Variants in CTBP2 observed in about 807,000 individuals in gnomAD.
CTBP2 encodes the protein C-terminal-binding protein 2.
A neutral mutation model predicts 80.3 loss-of-function variants in CTBP2; 30 were observed. The observed-to-expected ratio is 0.37, with a 90% CI of 0.28 to 0.51. The LOEUF is 0.51. Among genes scored for constraint, CTBP2 ranks in the 20% least tolerant of loss-of-function variants. The pLI, the probability that CTBP2 is intolerant of heterozygous loss-of-function variation, is 0.93. For synonymous variants in CTBP2, 594 were observed against 587.4 expected (o/e 1.01, Z -0.16); for missense variants, 1,212 against 1,375.3 (o/e 0.88, Z 1.88).
At chr10:125,083,230 C>T (rs543472583) in intron 2 of CTBP2, among the ~76,000 whole-genome samples, 40 of 152,206 alleles carry the variant, frequency 2.6e-4, no homozygotes, top group Non-Finnish European at 5.0e-4. Flanking sequence ...AGGGCCAGCA[C>T]GCATTCTCAA....
Position 124,987,164 on chromosome 10 carries a change from A to G in CTBP2, c.*2354T>C, listed in dbSNP as rs1041870726. 3 of 151,962 alleles carry G rather than the reference A, an allele frequency of 2.0e-5. No homozygotes were observed. Among genetic ancestry groups the G allele is most frequent in the African/African-American group, 7.3e-5 (3 of 41,110 alleles). 9.4% of individuals were successfully genotyped at this position (151,962 alleles called of 1,614,324 possible). A position where few individuals can be genotyped will look rare whatever the true frequency, so the allele number is the denominator to read the frequency against. Reference sequence around the variant, plus strand: ...CAATGCTATATTATGCTCTTGAACTATTAAAACAGCCATAATTATTGTCCC... The same window carrying G: ...CAATGCTATATTATGCTCTTGAACTGTTAAAACAGCCATAATTATTGTCCC... On this transcript the variant is annotated 3_prime_UTR_variant, in exon 9 of 9. Transcript: ENST00000309035.
At chr10:125,057,531 T>C (rs1964186625) in intron 2 of CTBP2, among the ~76,000 whole-genome samples, 1 of 152,214 alleles carries the variant, frequency 6.6e-6, no homozygotes, top group African/African-American at 2.4e-5. Context: ...ACTGAGTCTT[T>C]TGGGGATGAC....
chr10:125,001,193 G>A (rs1201998375), intron 3 of CTBP2: 2 of 152,274 alleles, frequency 1.3e-5, no homozygotes, highest in Non-Finnish European at 2.9e-5. Context: ...CACAGGCAAG[G>A]ACCTCCCCTC....
At chr10:125,050,957 T>G (rs7097893) in intron 2 of CTBP2, among the ~76,000 whole-genome samples, 14,834 of 152,094 alleles carry the variant, frequency 0.098, 2,400 homozygotes, top group African/African-American at 0.34. Flanking sequence ...ATGAGGAGGG[T>G]GGATGGTGCC....
At chr10:125,088,462 C>T (rs539181856) in intron 2 of CTBP2, 1 of 152,306 alleles carries the variant, frequency 6.6e-6, no homozygotes, top group African/African-American at 2.4e-5. Flanking sequence ...AAGGCAGCCA[C>T]TTCTAATACC....
At chr10:124,991,769 C>T (rs1236768523) in intron 8 of CTBP2, among the ~76,000 whole-genome samples, 3 of 151,788 alleles carry the variant, frequency 2.0e-5, no homozygotes, top group African/African-American at 7.3e-5. Flanking sequence ...CCCAAATATA[C>T]TTATTGCCAA....
intron 5 of CTBP2, 24 bp downstream of exon 7, chr10:124,994,445 C>A: frequency 6.2e-7 from 1 of 1,610,760 alleles, no homozygotes; most frequent in Non-Finnish European, 8.5e-7. Context: ...ACAGAAGCTT[C>A]CATGGCATCT....
upstream of CTBP2, among the ~76,000 whole-genome samples, chr10:125,029,307 T>C (rs1389554964): frequency 6.6e-6 from 1 of 150,382 alleles, no homozygotes; most frequent in Non-Finnish European, 1.5e-5. Flanking sequence ...AATGGCGCGA[T>C]CTCGGCTCAC....
chr10:124,998,497 A>C (rs1000703357), intron 3 of CTBP2: 1 of 386,408 alleles, frequency 2.6e-6, no homozygotes, highest in African/African-American at 2.0e-5. Flanking sequence ...AAGGACCCGG[A>C]GTGGCAGGAA....
rs561957590 is a variant in CTBP2 at position 125,085,263 on chromosome 10, T to A, written c.-102+25727A>T. 6.1e-4 allele frequency among the ~76,000 whole-genome samples: 93 copies of A among 152,278 alleles called. 3 individuals carry two copies. In the South Asian group the frequency reaches 0.019, roughly 31 times the overall value. ...GCCGCCAACATTTTTACCAACAGCA[T>A]AATTATATGAGAGAAAACTCCCTCC... On this transcript the variant is annotated intron_variant, in intron 2 of 10. Coordinates refer to the CTBP2 transcript ENST00000337195.
intron 1 of CTBP2, among the ~76,000 whole-genome samples, chr10:125,023,481 C>T (rs1957251184): frequency 1.3e-5 from 2 of 152,174 alleles, no homozygotes; most frequent in Non-Finnish European, 2.9e-5. Context: ...ATTGCTGGCT[C>T]GCAGCCACCG....
intron 1 of CTBP2, among the ~76,000 whole-genome samples, chr10:125,008,882 A>G (rs1396686165): frequency 6.6e-6 from 1 of 152,272 alleles, no homozygotes; most frequent in Non-Finnish European, 1.5e-5. Context: ...ATACTGGTCC[A>G]AGCAAGCATT....
intron 2 of CTBP2, among the ~76,000 whole-genome samples, chr10:125,063,369 C>A (rs1359845954): frequency 2.0e-5 from 3 of 152,278 alleles, no homozygotes; most frequent in South Asian, 4.1e-4. Flanking sequence ...CGTCATGAGG[C>A]CTGTGGCACC....
Position 125,109,291 on chromosome 10 carries a change from G to C in CTBP2, c.-102+1699C>G, listed in dbSNP as rs572975171. 2.6e-5 allele frequency among the ~76,000 whole-genome samples: 4 copies of C among 152,360 alleles called. No individual in the cohort carries two copies. In the East Asian group the frequency reaches 7.7e-4, roughly 29 times the overall value. On this transcript the variant is annotated intron_variant, in intron 2 of 10. Coordinates refer to the CTBP2 transcript ENST00000337195. ...GGGCCTGGTACTTGTCTGGGTGAAA[G>C]AGCGTGGATGTCCAACATGGCCAGT...
chr10:125,094,106 A>G (rs1174090314), intron 2 of CTBP2, among the ~76,000 whole-genome samples: 1 of 152,150 alleles, frequency 6.6e-6, no homozygotes, highest in Non-Finnish European at 1.5e-5. Flanking sequence ...CAGGGGTGGT[A>G]ACTAAATGGT....
chr10:125,134,846 C>G (rs1451532589), intron 1 of CTBP2, among the ~76,000 whole-genome samples: 1 of 151,980 alleles, frequency 6.6e-6, no homozygotes. Context: ...TAGCCCTCCC[C>G]ACTCCACCTA....
intron 2 of CTBP2, among the ~76,000 whole-genome samples, chr10:125,107,146 C>A (rs1851585223): frequency 6.6e-6 from 1 of 152,222 alleles, no homozygotes; most frequent in Non-Finnish European, 1.5e-5. Flanking sequence ...TCAGCGGGGG[C>A]CCCTCCTCCC....
intron 1 of CTBP2, among the ~76,000 whole-genome samples, chr10:125,155,365 T>A (rs12254098): frequency 6.6e-6 from 1 of 151,700 alleles, no homozygotes; most frequent in African/African-American, 2.4e-5. Context: ...CCTGGCTCTC[T>A]CCCTATTGTA....
intron 1 of CTBP2, among the ~76,000 whole-genome samples, chr10:125,131,576 G>C (rs75031371): frequency 0.083 from 12,609 of 152,198 alleles, 641 homozygotes; most frequent in Middle Eastern, 0.13. Context: ...GGGCAGCGGC[G>C]GGTTGGAACT....
Sources: gnomAD v4.1 joint callset for allele counts (sites outside exome capture counted in the v4.1 genomes callset) on GRCh38, gnomAD v4.1.1 for gene constraint, MANE v1.5 for transcripts, NCBI Gene and HGNC (gene_info 2026-07-23, HGNC 2026-07-21) for gene names.